The following TBCD variants were observed in gnomAD, a reference collection of about 807,000 sequenced individuals.
TBCD encodes tubulin folding cofactor D, also known as tubulin-specific chaperone D.
In TBCD, 105 loss-of-function variants were observed where a neutral mutation model predicts 169.3. The ratio of observed to expected loss-of-function variants is 0.62; its 90% CI spans 0.53 to 0.73. The LOEUF (loss-of-function observed/expected upper bound fraction) is 0.73, where lower values mean the gene tolerates loss of function less well. Ranked by LOEUF, TBCD falls within the 30% of genes least tolerant of loss-of-function variation. The pLI is 0.00. For missense variants in TBCD, 1,444 were observed against 1,600.1 expected (o/e 0.90, Z 1.66); for synonymous variants, 700 against 643.9 (o/e 1.09, Z -1.32).
At chr17:82,847,756 G>A (rs2055271789) in intron 13 of TBCD, among the ~76,000 whole-genome samples, 1 of 152,158 alleles carries the variant, frequency 6.6e-6, no homozygotes, top group African/African-American at 2.4e-5. Context: ...CGAATAGCTG[G>A]GATCACAGTT....
intron 14 of TBCD, among the ~76,000 whole-genome samples, chr17:82,876,214 G>A (rs1327676166): frequency 2.6e-5 from 4 of 152,148 alleles, no homozygotes; most frequent in African/African-American, 4.8e-5. Context: ...CCCTTGACTC[G>A]GACAGGAAAG....
intron 35 of TBCD, chr17:82,937,682 G>A (rs775090952): frequency 1.3e-5 from 8 of 616,214 alleles, no homozygotes; most frequent in Middle Eastern, 4.3e-4. Context: ...CCTGGGGGTC[G>A]CTGTTGAGTG....
At chr17:82,797,958 T>A (rs1239916049) in intron 8 of TBCD, among the ~76,000 whole-genome samples, 156 bp downstream of exon 8, 1 of 140,434 alleles carries the variant, frequency 7.1e-6, no homozygotes, top group African/African-American at 2.6e-5. Flanking sequence ...TTTTAGTAAC[T>A]GAACTTTTTT....
intron 13 of TBCD, among the ~76,000 whole-genome samples, chr17:82,842,575 GA>G (rs2039447076): frequency 6.6e-6 from 1 of 152,126 alleles, no homozygotes. Flanking sequence ...TCTTTCTCTT[GA>G]GTTAATCATT....
At chr17:82,770,570 C>T (rs1426354906) in intron 5 of TBCD, among the ~76,000 whole-genome samples, 1 of 151,244 alleles carries the variant, frequency 6.6e-6, no homozygotes. Flanking sequence ...TTGCACTCCA[C>T]CCTGGGCAAC....
rs1172492837 is a variant in TBCD at position 82,920,733 on chromosome 17, G to T, written c.2101+115G>T. The T allele has an allele frequency of 2.6e-5, 25 of 956,420 alleles. No homozygotes were observed. Among genetic ancestry groups the T allele is most frequent in the Non-Finnish European group, 3.7e-5 (24 of 642,002 alleles). 59.2% of individuals were successfully genotyped at this position (956,420 alleles called of 1,614,324 possible). A position where few individuals can be genotyped will look rare whatever the true frequency, so the allele number is the denominator to read the frequency against. On this transcript the variant is annotated intron_variant, in intron 24 of 38. Transcript: ENST00000355528. The surrounding 1 kb of genome is among the most constrained non-coding windows in gnomAD (Gnocchi z 4.1). ...AAACGATTATAGCTTAAAGGTTCAA[G>T]ATATTAATCGGATACGTTGCCTTGA... is the stretch of plus-strand genomic sequence containing the variant.
intron 34 of TBCD, 57 bp from the exon 35 acceptor site, chr17:82,937,214 G>A: frequency 6.6e-7 from 1 of 1,516,874 alleles, no homozygotes; most frequent in Admixed American, 1.7e-5. Context: ...CAGAAAAAGT[G>A]TGCATCCCGG....
chr17:82,837,173 AATG>A (rs1194692537), intron 13 of TBCD, among the ~76,000 whole-genome samples: 4 of 152,176 alleles, frequency 2.6e-5, no homozygotes, highest in Admixed American at 6.5e-5. Flanking sequence ...TAAGCTTTCA[AATG>A]ATGATGATGT....
intron 28 of TBCD, chr17:82,926,973 C>G: frequency 1.5e-6 from 1 of 666,734 alleles, no homozygotes; most frequent in South Asian, 2.0e-5. Context: ...CCCCATCCAC[C>G]TTTCAACCGG....
At chr17:82,758,270 C>T (rs1306531437) in intron 2 of TBCD, among the ~76,000 whole-genome samples, 1 of 150,134 alleles carries the variant, frequency 6.7e-6, no homozygotes, top group African/African-American at 2.5e-5. Context: ...CCTGTAATCC[C>T]AGCTACTTGG....
intron 18 of TBCD, among the ~76,000 whole-genome samples, chr17:82,901,791 A>T (rs1427387761): frequency 1.3e-5 from 2 of 152,184 alleles, no homozygotes; most frequent in Non-Finnish European, 2.9e-5. Flanking sequence ...TCATTCGCTT[A>T]CAGAGAGGGG....
chr17:82,797,832 T>C (rs766187695), intron 8 of TBCD, 30 bp downstream of exon 8: 4 of 1,540,396 alleles, frequency 2.6e-6, no homozygotes, highest in African/African-American at 1.4e-5. Flanking sequence ...GACGATATCT[T>C]TGTGATGTGA....
intron 13 of TBCD, among the ~76,000 whole-genome samples, chr17:82,857,169 G>A (rs979926870): frequency 6.6e-6 from 1 of 152,198 alleles, no homozygotes; most frequent in Non-Finnish European, 1.5e-5. Context: ...TAGGTGTGAG[G>A]GGGTATCTTG....
At chr17:82,870,051 C>G (rs2145955041) in intron 13 of TBCD, among the ~76,000 whole-genome samples, 173 bp from the exon 14 acceptor site, 1 of 152,288 alleles carries the variant, frequency 6.6e-6, no homozygotes, top group Middle Eastern at 3.4e-3. Context: ...GTTTTCTGAC[C>G]AGGCCGTGGG....
Position 82,833,641 on chromosome 17 carries a change from T to G in TBCD, c.1318+18707T>G, listed in dbSNP as rs1453456856. Among the ~76,000 whole-genome samples the G allele has an allele frequency of 6.6e-6, 1 of 152,192 alleles. No homozygotes were observed. The highest frequency in any genetic ancestry group is 2.4e-5 in the African/African-American group (1 of 41,448). On this transcript the variant is annotated intron_variant, in intron 13 of 38. Transcript: ENST00000355528. This position sits in a 1 kb window ranked among gnomAD's most constrained non-coding sequence, Gnocchi z 4.7. Reference sequence around the variant, plus strand: ...GGCCAGCAGCGCCTGCCCGTCCAGATGCACCACCAAATGGAAGAACCAAAG... The same window carrying G: ...GGCCAGCAGCGCCTGCCCGTCCAGAGGCACCACCAAATGGAAGAACCAAAG...
intron 37 of TBCD, among the ~76,000 whole-genome samples, chr17:82,940,178 T>G (rs962259512): frequency 9.4e-5 from 14 of 149,230 alleles, no homozygotes; most frequent in African/African-American, 3.4e-4. Flanking sequence ...CATATGGGCA[T>G]GGGCACCCAT....
intron 3 of TBCD, among the ~76,000 whole-genome samples, chr17:82,765,936 C>G (rs1304674269): frequency 6.6e-6 from 1 of 152,136 alleles, no homozygotes; most frequent in Non-Finnish European, 1.5e-5. Flanking sequence ...CCTCCTGCCT[C>G]ATCCTCTCAG....
intron 12 of TBCD, among the ~76,000 whole-genome samples, chr17:82,814,385 G>T (rs568597809): frequency 6.6e-6 from 1 of 152,338 alleles, no homozygotes; most frequent in African/African-American, 2.4e-5. Context: ...CGGCACAGAC[G>T]GGACGGTCTC....
intron 2 of TBCD, among the ~76,000 whole-genome samples, chr17:82,758,400 A>AAAAAAAAAAAAAAAAAAAAAT (rs1035939621): frequency 3.9e-4 from 39 of 100,024 alleles, no homozygotes; most frequent in Middle Eastern, 5.6e-3. Flanking sequence ...AAAAAAAAAA[A>AAAAAAAAAAAAAAAAAAAAAT]AAATAAATAA....
Sources: gnomAD v4.1 joint callset for allele counts (sites outside exome capture counted in the v4.1 genomes callset) on GRCh38, gnomAD v4.1.1 for gene constraint, Gnocchi (gnomAD v3.1) non-coding constraint, MANE v1.5 for transcripts, NCBI Gene and HGNC (gene_info 2026-07-23, HGNC 2026-07-21) for gene names.